The following SLC22A16 variants were observed in gnomAD, a reference collection of about 807,000 sequenced individuals.
SLC22A16 encodes the protein solute carrier family 22 member 16.
A neutral mutation model predicts 52.9 loss-of-function variants in SLC22A16; 53 were observed. The observed-to-expected ratio is 1.00, with a 90% confidence interval of 0.80 to 1.26. The LOEUF (loss-of-function observed/expected upper bound fraction) is 1.26, where lower values mean the gene tolerates loss of function less well. Ranked by LOEUF, SLC22A16 falls within the 50% of genes most tolerant of loss-of-function variation. SLC22A16 has a pLI of 0.00. For synonymous variants in SLC22A16, 291 were observed against 268.8 expected, an observed-to-expected ratio of 1.08 and a Z score of -0.81; for missense variants, 726 against 704.0, an observed-to-expected ratio of 1.03 and a Z score of -0.35.
At chr6:110,443,974 G>C (rs1049288267) in intron 3 of SLC22A16, among the ~76,000 whole-genome samples, 2 of 152,184 alleles carry the variant, frequency 1.3e-5, no homozygotes, top group Non-Finnish European at 2.9e-5. Context: ...ACAGGGAACA[G>C]AGAGTTATTA....
At chr6:110,457,890 T>A (rs530445729) in intron 1 of SLC22A16, among the ~76,000 whole-genome samples, 2 of 151,178 alleles carry the variant, frequency 1.3e-5, no homozygotes, top group East Asian at 3.9e-4. Flanking sequence ...GGAAAGGGAG[T>A]CTCCCTTTCC....
chr6:110,425,288 C>T, intron 7 of SLC22A16: 1 of 1,502,688 alleles, frequency 6.7e-7, no homozygotes, highest in Non-Finnish European at 8.9e-7. Flanking sequence ...AATCTCATCA[C>T]TCACTCATTC....
chr6:110,457,679 A>G (rs1426158330), intron 1 of SLC22A16, among the ~76,000 whole-genome samples: 1 of 152,218 alleles, frequency 6.6e-6, no homozygotes, highest in Non-Finnish European at 1.5e-5. Flanking sequence ...CAGGCCATAC[A>G]GAGACAGGAG....
chr6:110,454,177 C>T (rs1296638990), intron 2 of SLC22A16, among the ~76,000 whole-genome samples: 3 of 152,100 alleles, frequency 2.0e-5, no homozygotes, highest in African/African-American at 7.2e-5. Context: ...TAAGCCATAG[C>T]ACTCATCTTT....
At chr6:110,428,186 A>G (rs935766147) in intron 7 of SLC22A16, among the ~76,000 whole-genome samples, 49 of 152,242 alleles carry the variant, frequency 3.2e-4, no homozygotes, top group African/African-American at 1.1e-3. Context: ...ATTTCTCAAA[A>G]TGAAAACACT....
chr6:110,453,413 C>T (rs1047203949), intron 2 of SLC22A16, among the ~76,000 whole-genome samples: 4 of 152,138 alleles, frequency 2.6e-5, no homozygotes, highest in African/African-American at 9.7e-5. Context: ...TGAGGGTATA[C>T]AAAGAATATT....
chr6:110,426,735 G>A (rs999584977), intron 7 of SLC22A16, among the ~76,000 whole-genome samples: 3 of 152,204 alleles, frequency 2.0e-5, no homozygotes, highest in Non-Finnish European at 4.4e-5. Context: ...TGGATCACCC[G>A]AGGTCAGGAG....
chr6:110,436,035 T>G, intron 5 of SLC22A16, 74 bp from the exon 6 acceptor site: 2 of 942,516 alleles, frequency 2.1e-6, no homozygotes, highest in South Asian at 1.5e-5. Context: ...TTAAAATCAT[T>G]ACTTAAAACA....
At chr6:110,453,516 T>G (rs1775463360) in intron 2 of SLC22A16, 1 of 423,578 alleles carries the variant, frequency 2.4e-6, no homozygotes, top group Non-Finnish European at 4.7e-6. Context: ...GACAAAGAAC[T>G]TCATTACTTA....
chr6:110,439,646 A>C (rs1402602074), intron 4 of SLC22A16, among the ~76,000 whole-genome samples: 2 of 152,232 alleles, frequency 1.3e-5, no homozygotes, highest in African/African-American at 4.8e-5. Context: ...CACGATGTCT[A>C]CGTATAAAAA....
intron 7 of SLC22A16, among the ~76,000 whole-genome samples, chr6:110,429,419 A>T (rs571180546): frequency 6.6e-6 from 1 of 152,296 alleles, no homozygotes. Context: ...GTACAAGGCA[A>T]CTCCAGGGGA....
intron 1 of SLC22A16, among the ~76,000 whole-genome samples, chr6:110,470,805 G>T (rs369462527): frequency 6.6e-6 from 1 of 152,094 alleles, no homozygotes; most frequent in Non-Finnish European, 1.5e-5. Flanking sequence ...TGGGGTCAAG[G>T]CCCCTACAAG....
At chr6:110,453,802 C>T (rs938179062) in intron 2 of SLC22A16, 3 of 429,106 alleles carry the variant, frequency 7.0e-6, no homozygotes, top group African/African-American at 6.1e-5. Context: ...GTTTATTTAG[C>T]TCATAGTTCT....
At chr6:110,446,689 T>G (rs1311575576) in intron 3 of SLC22A16, among the ~76,000 whole-genome samples, 184 bp downstream of exon 3, 1 of 152,204 alleles carries the variant, frequency 6.6e-6, no homozygotes, top group East Asian at 1.9e-4. Context: ...CAACAATTTT[T>G]CACTTTAATG....
rs140913042 is a variant in SLC22A16, at chr6:110,470,260, T to C, written c.53+6262A>G. ...TATGAATATGACTGGAAATAGAACA[T>C]AAATCATGTACGTATGGTGCACATA... On this transcript the variant is annotated intron_variant, in intron 1 of 7. Transcript: ENST00000368919. 1.2e-3 allele frequency among the ~76,000 whole-genome samples: 182 copies of C among 152,270 alleles called. 1 individual carries two copies. Among genetic ancestry groups the C allele is most frequent in the African/African-American group, 4.1e-3 (170 of 41,554 alleles).
intron 2 of SLC22A16, among the ~76,000 whole-genome samples, chr6:110,454,620 TA>T (rs1775519586): frequency 1.8e-5 from 1 of 56,032 alleles, no homozygotes; most frequent in Non-Finnish European, 2.9e-5. Flanking sequence ...ATTTTATATA[TA>T]ATATATATTT....
Position 110,454,593 on chromosome 6 carries a change from ATTT to A in SLC22A16, c.533+1942_533+1944del, listed in dbSNP as rs1775513982. ...TATATAATATTTATATATAATATAT[ATTT>A]ATATATATTATATATTTTATATATA... On this transcript the variant is annotated intron_variant, in intron 2 of 7. Coordinates refer to ENST00000368919, the MANE Select transcript of SLC22A16 (RefSeq NM_033125.4). Among the ~76,000 whole-genome samples, 7 of 99,914 alleles carry A rather than the reference ATTT, an allele frequency of 7.0e-5. No homozygotes were observed. In the Admixed American group the frequency reaches 1.2e-3, roughly 17 times the overall value. The allele number at this position is 99,914 out of a possible 152,430, so 65.5% of individuals were successfully genotyped here.
chr6:110,457,472 A>G lies in SLC22A16; in HGVS notation c.54-455T>C, dbSNP rs547250711. 2.0e-5 allele frequency among the ~76,000 whole-genome samples: 3 copies of G among 152,346 alleles called. No homozygotes were observed. The South Asian group carries it at 6.2e-4, about 32-fold the overall frequency. ...AGTGGCCAGCTGTGGGTGGCAAGCC[A>G]CCCAGGTGCCGAGGCAAGAGACCGA... On this transcript the variant is annotated intron_variant, in intron 1 of 7. Transcript: ENST00000368919.
chr6:110,441,221 C>A (rs1774951007), intron 4 of SLC22A16, among the ~76,000 whole-genome samples: 1 of 152,188 alleles, frequency 6.6e-6, no homozygotes, highest in African/African-American at 2.4e-5. Flanking sequence ...ACAGCAGAAG[C>A]AATAGCCAAT....
Sources: gnomAD v4.1 joint callset for allele counts (sites outside exome capture counted in the v4.1 genomes callset) on GRCh38, gnomAD v4.1.1 for gene constraint, MANE v1.5 for transcripts, NCBI Gene and HGNC (gene_info 2026-07-23, HGNC 2026-07-21) for gene names.